The following ACOXL variants were observed in gnomAD, a reference collection of about 807,000 sequenced individuals.
ACOXL encodes the protein acyl-CoA oxidase like.
In ACOXL, 70 loss-of-function variants were observed where a neutral mutation model predicts 71.9. That is an observed-to-expected ratio of 0.97 (90% CI 0.80 to 1.19). The LOEUF (loss-of-function observed/expected upper bound fraction) is 1.19. ACOXL is among the 50% of genes most tolerant of loss of function. The pLI, the probability that ACOXL is intolerant of heterozygous loss-of-function variation, is 0.00. For missense variants in ACOXL, 703 were observed against 736.3 expected (o/e 0.95, Z 0.52); for synonymous variants, 253 against 281.6 (o/e 0.90, Z 1.02).
At chr2:110,950,477 A>G (rs2061286396) in intron 12 of ACOXL, among the ~76,000 whole-genome samples, 1 of 152,230 alleles carries the variant, frequency 6.6e-6, no homozygotes, top group Non-Finnish European at 1.5e-5. Context: ...AAATTTCATA[A>G]GGAATGGATA....
In ACOXL at chr2:111,111,018, T is replaced by A. The variant is rs564131624; in HGVS notation, c.1543-6598T>A. Among the ~76,000 whole-genome samples the A allele has an allele frequency of 2.6e-5, 4 of 151,082 alleles. No homozygotes were observed. In the South Asian group the frequency reaches 8.3e-4, roughly 31 times the overall value. ...TTGAAAATTTTTGACTGAAGATTAT[T>A]CCTTCTTGAGTATGTTTGCATTTCT... On this transcript the variant is annotated intron_variant, in intron 17 of 17. Transcript: ENST00000439055.
intron 11 of ACOXL, among the ~76,000 whole-genome samples, chr2:110,925,435 G>A (rs2060233647): frequency 6.6e-6 from 1 of 152,230 alleles, no homozygotes; most frequent in Non-Finnish European, 1.5e-5. Flanking sequence ...TGCTTAAGCT[G>A]TAGCTTCTAC....
At chr2:110,793,454 T>G (rs1310172678) in intron 3 of ACOXL, among the ~76,000 whole-genome samples, 196 bp from the exon 4 acceptor site, 1 of 152,164 alleles carries the variant, frequency 6.6e-6, no homozygotes, top group Non-Finnish European at 1.5e-5. Flanking sequence ...GAGCGACTCA[T>G]GAGCCATGTC....
intron 15 of ACOXL, among the ~76,000 whole-genome samples, chr2:111,046,684 G>C (rs1382552353): frequency 1.3e-5 from 2 of 152,100 alleles, no homozygotes; most frequent in African/African-American, 2.4e-5. Context: ...CTCCCACTGT[G>C]TCCCCTCCCG....
At chr2:111,073,800 A>T (rs766854206) in intron 16 of ACOXL, among the ~76,000 whole-genome samples, 2 of 152,110 alleles carry the variant, frequency 1.3e-5, no homozygotes, top group Non-Finnish European at 2.9e-5. Flanking sequence ...CAGAAAATTC[A>T]TTGGTGATTT....
At chr2:110,775,806 T>C (rs1211974651) in intron 2 of ACOXL, among the ~76,000 whole-genome samples, 1 of 152,188 alleles carries the variant, frequency 6.6e-6, no homozygotes, top group African/African-American at 2.4e-5. Context: ...TCGGTGGTGA[T>C]GTGGGAATGT....
At chr2:110,804,101 C>T (rs1420439195) in intron 8 of ACOXL, among the ~76,000 whole-genome samples, 1 of 151,590 alleles carries the variant, frequency 6.6e-6, no homozygotes, top group Non-Finnish European at 1.5e-5. Flanking sequence ...ATTCTTTTGC[C>T]TCAACCTCCT....
chr2:111,026,907 G>A (rs559619452), intron 14 of ACOXL, among the ~76,000 whole-genome samples: 9 of 152,104 alleles, frequency 5.9e-5, no homozygotes, highest in South Asian at 4.2e-4. Context: ...TTTTGTTTTC[G>A]TTTTTTTAAG....
intron 9 of ACOXL, among the ~76,000 whole-genome samples, chr2:110,817,628 A>G (rs1203005317): frequency 2.6e-5 from 4 of 152,164 alleles, no homozygotes; most frequent in Non-Finnish European, 5.9e-5. Context: ...GTCATGGGGC[A>G]GCCTACATCT....
At chr2:110,869,461 C>G (rs1694997927) in intron 10 of ACOXL, among the ~76,000 whole-genome samples, 1 of 152,218 alleles carries the variant, frequency 6.6e-6, no homozygotes. Context: ...TGGAGGCTCA[C>G]TGGCCACAAT....
intron 16 of ACOXL, among the ~76,000 whole-genome samples, chr2:111,059,880 G>A (rs1004491202): frequency 4.7e-5 from 7 of 150,102 alleles, no homozygotes; most frequent in Non-Finnish European, 7.4e-5. Context: ...AGGAGGATAA[G>A]GAGGAGAGGA....
intron 14 of ACOXL, among the ~76,000 whole-genome samples, chr2:111,031,107 T>C (rs2065243957): frequency 6.6e-6 from 1 of 152,218 alleles, no homozygotes; most frequent in Non-Finnish European, 1.5e-5. Flanking sequence ...TCACTCTGGA[T>C]CCTATCTCCA....
At chr2:110,891,247 T>C (rs1234995245) in intron 10 of ACOXL, among the ~76,000 whole-genome samples, 1 of 152,100 alleles carries the variant, frequency 6.6e-6, no homozygotes, top group Admixed American at 6.6e-5. Flanking sequence ...CAAATAGAAA[T>C]AGCTTTCTGG....
chr2:110,824,285 G>A (rs914472556), intron 9 of ACOXL, among the ~76,000 whole-genome samples: 27 of 152,118 alleles, frequency 1.8e-4, no homozygotes, highest in African/African-American at 4.8e-5. Flanking sequence ...ATAATCTAAT[G>A]TGAATCCTTC....
In ACOXL at chr2:111,108,371, C is replaced by CTTTTTTTTTTTTTTTTTT. The variant is rs1225889982; in HGVS notation, c.1543-9239_1543-9222dup. Among the ~76,000 whole-genome samples the CTTTTTTTTTTTTTTTTTT allele has an allele frequency of 4.2e-5, 3 of 71,056 alleles. 1 individual carries two copies. The highest frequency in any genetic ancestry group is 6.0e-5 in the African/African-American group (1 of 16,632). The allele number at this position is 71,056 out of a possible 152,430, so 46.6% of individuals were successfully genotyped here. On this transcript the variant is annotated intron_variant, in intron 17 of 17. Coordinates refer to ENST00000439055, the MANE Select transcript of ACOXL (RefSeq NM_001142807.4). ...TTTATATACATTGAAGTGCATGAAT[C>CTTTTTTTTTTTTTTTTTT]TTTTTTTTTTTTTTTTTTTTTTTGG... is the stretch of plus-strand genomic sequence containing the variant.
At chr2:110,926,007 G>A (rs952844612) in intron 11 of ACOXL, among the ~76,000 whole-genome samples, 5 of 151,996 alleles carry the variant, frequency 3.3e-5, no homozygotes, top group Admixed American at 1.3e-4. Flanking sequence ...CCTGAGGAGC[G>A]GGAGAGAGAC....
intron 10 of ACOXL, chr2:110,886,898 C>G (rs10188079): frequency 1.9e-6 from 3 of 1,548,258 alleles, no homozygotes; most frequent in East Asian, 4.9e-5. Flanking sequence ...TACGCTTGCT[C>G]GTGAAATCAG....
At chr2:110,907,270 C>T (rs894376205) in intron 10 of ACOXL, among the ~76,000 whole-genome samples, 1 of 152,072 alleles carries the variant, frequency 6.6e-6, no homozygotes, top group African/African-American at 2.4e-5. Context: ...ATAAGGCCAC[C>T]AATTCTATCA....
intron 10 of ACOXL, among the ~76,000 whole-genome samples, chr2:110,893,989 T>C (rs1026034709): frequency 2.6e-5 from 4 of 152,174 alleles, no homozygotes; most frequent in African/African-American, 9.7e-5. Flanking sequence ...TCTTTGTCTC[T>C]GTTGTTTATC....
Sources: allele counts gnomAD v4.1 joint callset (sites outside exome capture counted in the v4.1 genomes callset), GRCh38; gene constraint gnomAD v4.1.1; transcripts MANE v1.5; gene names NCBI Gene and HGNC (gene_info 2026-07-23, HGNC 2026-07-21).